DHRS2: variants seen among roughly 807,000 people sequenced by gnomAD.
The protein encoded by DHRS2 is dehydrogenase/reductase 2.
In DHRS2, 29 loss-of-function variants were observed where a neutral mutation model predicts 26.3. That is an observed-to-expected ratio of 1.10 (90% confidence interval 0.82 to 1.50). The LOEUF is 1.50. Among genes scored for constraint, DHRS2 ranks in the 40% most tolerant of loss-of-function variants. The pLI is 0.00. For synonymous variants in DHRS2, 164 were observed against 151.3 expected, an observed-to-expected ratio of 1.08 and a Z score of -0.62; for missense variants, 439 against 367.1, an observed-to-expected ratio of 1.20 and a Z score of -1.60.
chr14:23,635,118 G>A (rs904125337), upstream of DHRS2, among the ~76,000 whole-genome samples: 4 of 151,328 alleles, frequency 2.6e-5, no homozygotes, highest in African/African-American at 7.3e-5. Context: ...GCTGGAGTAC[G>A]GTGGTGCAAT....
chr14:23,639,873 C>T lies in DHRS2; in HGVS notation c.398C>T (p.Thr133Ile), dbSNP rs755796755. The T allele has an allele frequency of 1.2e-6, 2 of 1,607,390 alleles. No homozygotes were observed. The highest frequency in any genetic ancestry group is 1.7e-6 in the Non-Finnish European group (2 of 1,176,698). ...VNPLVGSTLG[T>I]SEQIWDKILS... is the part of the protein sequence containing the mutation. ...CCTCTGGTAGGGAGCACTCTGGGGA[C>T]CAGTGAGCAGATCTGGGACAAGGTG... The change falls in exon 4 of 9, where the codon ACC (threonine) becomes ATC (isoleucine). Residue 133 changes from threonine (T) to isoleucine (I), a missense_variant. Transcript: ENST00000250383.
In DHRS2 at chr14:23,639,329, T is replaced by C. The variant is rs1768004492; in HGVS notation, c.291T>C (p.Ala97=). Residue 97 remains alanine (A), a synonymous_variant, in exon 3 of 9, where the codon GCT becomes GCC. Coordinates refer to ENST00000250383, the MANE Select transcript of DHRS2 (RefSeq NM_005794.4). ...VAGIVCHVGK[A]EDREQLVAKA... is the part of the protein sequence containing the mutation. ...GCATTGTGTGCCACGTGGGGAAGGC[T>C]GAGGACCGGGAGCAGCTGGTGGCCA... The C allele has an allele frequency of 1.3e-6, 2 of 1,579,806 alleles. No individual in the cohort carries two copies. The highest frequency in any genetic ancestry group is 1.7e-6 in the Non-Finnish European group (2 of 1,163,456).
upstream of DHRS2, among the ~76,000 whole-genome samples, chr14:23,631,978 A>G (rs542856988): frequency 4.1e-4 from 62 of 152,328 alleles, no homozygotes; most frequent in African/African-American, 1.4e-3. Context: ...TTTCCTTACA[A>G]TAGGTCAGCT....
Position 23,639,000 on chromosome 14 carries a change from A to G in DHRS2, c.136A>G (p.Ser46Gly), listed in dbSNP as rs1161991941. Residue 46 changes from serine to glycine, a missense_variant, in exon 2 of 9, where the codon AGT becomes GGT. Coordinates refer to ENST00000250383, the MANE Select transcript of DHRS2 (RefSeq NM_005794.4). ...GGTAGCCGTGGTCACGGGGTCCACCAGTGGGTGAGTGCTGGATTGCCCATG... is the reference window on the plus strand; with the variant it reads ...GGTAGCCGTGGTCACGGGGTCCACCGGTGGGTGAGTGCTGGATTGCCCATG... Reference protein sequence around the residue: ...NRVAVVTGSTSGIGFAIARRL... With the variant: ...NRVAVVTGSTGGIGFAIARRL... 1.2e-6 allele frequency: 2 copies of G among 1,612,908 alleles called. No homozygotes were observed. The highest frequency in any genetic ancestry group is 1.7e-6 in the Non-Finnish European group (2 of 1,179,918).
chr14:23,639,820 C>T lies in DHRS2; in HGVS notation c.345C>T (p.Asp115=), dbSNP rs751505646. ...AKALEHCGGV[D]FLVCSAGVNP... is the part of the protein sequence containing the mutation. ...CCCTGGAGCACTGTGGGGGCGTCGA[C>T]TTCCTGGTGTGCAGCGCAGGGGTCA... Residue 115 remains aspartate, a synonymous_variant, in exon 4 of 9, where the codon GAC becomes GAT. Coordinates refer to ENST00000250383, the MANE Select transcript of DHRS2 (RefSeq NM_005794.4). 3.7e-6 allele frequency: 6 copies of T among 1,610,358 alleles called. No individual in the cohort carries two copies. The highest frequency in any genetic ancestry group is 5.1e-6 in the Non-Finnish European group (6 of 1,178,016).
At chr14:23,637,389 A>C (rs143076364) in intron 1 of DHRS2, among the ~76,000 whole-genome samples, 84 of 152,348 alleles carry the variant, frequency 5.5e-4, no homozygotes, top group Middle Eastern at 3.4e-3. Flanking sequence ...GAATTTTAGA[A>C]TCCCTCCTCA....
intron 7 of DHRS2, 96 bp from the exon 8 acceptor site, chr14:23,644,731 C>T: frequency 6.6e-7 from 1 of 1,513,386 alleles, no homozygotes; most frequent in Non-Finnish European, 9.1e-7. Context: ...TTGAGAAGGG[C>T]AAAGCTGCCC....
chr14:23,641,938 C>T, intron 4 of DHRS2: 1 of 1,163,844 alleles, frequency 8.6e-7, no homozygotes, highest in Non-Finnish European at 1.1e-6. Context: ...GGAGGGACTC[C>T]TGGTGCCATG....
At chr14:23,640,202 A>G in intron 4 of DHRS2, 1 of 942,338 alleles carries the variant, frequency 1.1e-6, no homozygotes, top group Non-Finnish European at 1.3e-6. Context: ...GGCTCTAGGG[A>G]TACAGCTGTG....
rs1290861403 is a variant in DHRS2 at position 23,638,914 on chromosome 14, C to T, written c.50C>T (p.Ala17Val). 6.2e-7 allele frequency: 1 copy of T among 1,614,228 alleles called. No individual in the cohort carries two copies. ...RGYQGWFHPC[A>V]RLSVRMSSTG... ...TACCAGGGCTGGTTTCATCCCTGTG[C>T]TAGGCTTTCTGTGAGGATGAGCAGC... Residue 17 changes from alanine to valine, a missense_variant, in exon 2 of 9, where the codon GCT (alanine) becomes GTT (valine). Physicochemically the swap from Ala to Val is moderately conservative, Grantham distance 64. Transcript: ENST00000250383.
At chr14:23,643,546 AC>A (rs1439389782) in intron 5 of DHRS2, 12 of 333,306 alleles carry the variant, frequency 3.6e-5, no homozygotes, top group Middle Eastern at 1.8e-3. Context: ...CCAACTTAAA[AC>A]CAATGACAGG....
chr14:23,634,059 CTTTTTTTTTTTTTT>C (rs58045171), upstream of DHRS2, among the ~76,000 whole-genome samples: 7 of 82,450 alleles, frequency 8.5e-5, no homozygotes, highest in African/African-American at 2.4e-4. Flanking sequence ...TTTGCCCCTT[CTTTTTTTTTTTTTT>C]TTTTTTTTTT....
intron 6 of DHRS2, 53 bp downstream of exon 6, chr14:23,644,215 G>A (rs1343148817): frequency 1.9e-6 from 3 of 1,601,166 alleles, no homozygotes; most frequent in Non-Finnish European, 2.6e-6. Flanking sequence ...GGGCAACTTT[G>A]TTCTTTTCCT....
upstream of DHRS2, among the ~76,000 whole-genome samples, chr14:23,634,059 CTTTTTTTTTT>C (rs58045171): frequency 3.6e-5 from 3 of 82,450 alleles, no homozygotes; most frequent in Non-Finnish European, 6.4e-5. Flanking sequence ...TTTGCCCCTT[CTTTTTTTTTT>C]TTTTTTTTTT....
At chr14:23,637,120 A>G (rs1890344920) in intron 1 of DHRS2, among the ~76,000 whole-genome samples, 1 of 152,122 alleles carries the variant, frequency 6.6e-6, no homozygotes, top group South Asian at 2.1e-4. Flanking sequence ...AGTGAGACTC[A>G]CCTATCTATC....
chr14:23,632,146 G>A (rs1199276086), upstream of DHRS2, among the ~76,000 whole-genome samples: 1 of 152,162 alleles, frequency 6.6e-6, no homozygotes, highest in African/African-American at 2.4e-5. Flanking sequence ...CCCGACAAAA[G>A]GCGAGTCCTC....
chr14:23,639,636 C>A lies in DHRS2; in HGVS notation c.319-158C>A, dbSNP rs369949158. On this transcript the variant is annotated intron_variant, in intron 3 of 8. Transcript: ENST00000250383. ...GGACTCCTGGAGCAGACCTTCCTCTCTCAGTGCCTGGCCCCAGGAGCCTGC... is the reference window on the plus strand; with the variant it reads ...GGACTCCTGGAGCAGACCTTCCTCTATCAGTGCCTGGCCCCAGGAGCCTGC... Among the ~76,000 whole-genome samples, 6 of 152,254 alleles carry A rather than the reference C, an allele frequency of 3.9e-5. No homozygotes were observed. In the South Asian group the frequency reaches 1.2e-3, roughly 32 times the overall value.
rs767620473 is a variant in DHRS2, at chr14:23,644,569, T to C, written c.675+26T>C. 3.7e-6 allele frequency: 6 copies of C among 1,614,042 alleles called. No homozygotes were observed. The East Asian group carries it at 1.1e-4, about 30-fold the overall frequency. Reference sequence around the variant, plus strand: ...GTGAGGATTGGGTGTGTCTTCCATCTCCCAGTCTGGCTCAGTGGGAACCCT... The same window carrying C: ...GTGAGGATTGGGTGTGTCTTCCATCCCCCAGTCTGGCTCAGTGGGAACCCT... On this transcript the variant is annotated intron_variant, in intron 7 of 8. Coordinates refer to ENST00000250383, the MANE Select transcript of DHRS2 (RefSeq NM_005794.4).
chr14:23,643,993 A>G (rs1594249044), intron 5 of DHRS2, 118 bp from the exon 6 acceptor site: 1 of 1,011,436 alleles, frequency 9.9e-7, no homozygotes, highest in South Asian at 1.3e-5. Context: ...TGAGATGGGG[A>G]CAGTAATAGG....
Sources: gnomAD v4.1 joint callset for allele counts (sites outside exome capture counted in the v4.1 genomes callset) on GRCh38, gnomAD v4.1.1 for gene constraint, MANE v1.5 for transcripts, NCBI Gene and HGNC (gene_info 2026-07-23, HGNC 2026-07-21) for gene names.